The following GREB1L variants were observed in gnomAD, a reference collection of about 807,000 sequenced individuals.
The protein encoded by GREB1L is GREB1 like retinoic acid receptor coactivator.
GREB1L carries 17 observed loss-of-function variants against 200.8 expected under a neutral mutation model. The ratio of observed to expected loss-of-function variants is 0.08; its 90% CI spans 0.06 to 0.13. The LOEUF (loss-of-function observed/expected upper bound fraction) is 0.13. Among genes scored for constraint, GREB1L ranks in the 10% least tolerant of loss-of-function variants. The pLI is 1.00. For missense variants in GREB1L, 1,657 were observed against 2,367.7 expected (o/e 0.70, Z 6.23); for synonymous variants, 789 against 893.0 (o/e 0.88, Z 2.08).
chr18:21,322,648 C>T (rs1255398717), intron 1 of GREB1L, among the ~76,000 whole-genome samples: 2 of 151,976 alleles, frequency 1.3e-5, no homozygotes, highest in African/African-American at 4.8e-5. Flanking sequence ...AGAGAGTAAT[C>T]CCTATCAGAT....
chr18:21,278,626 C>G (rs938333561), intron 1 of GREB1L, among the ~76,000 whole-genome samples: 1 of 151,890 alleles, frequency 6.6e-6, no homozygotes, highest in African/African-American at 2.4e-5. Flanking sequence ...AGTCAGAATA[C>G]TAATCCTTGA....
intron 2 of GREB1L, among the ~76,000 whole-genome samples, chr18:21,378,887 G>A (rs1478966387): frequency 2.0e-5 from 3 of 150,746 alleles, no homozygotes; most frequent in Non-Finnish European, 4.4e-5. Context: ...TTTTTCGGGG[G>A]GGGACAGGAT....
chr18:21,413,007 C>A (rs537511107), intron 7 of GREB1L, among the ~76,000 whole-genome samples: 17 of 152,252 alleles, frequency 1.1e-4, no homozygotes, highest in Admixed American at 1.0e-3. Flanking sequence ...TTGTTGCTGT[C>A]ATAGTAATCT....
At chr18:21,475,504 G>A (rs539902643) in intron 16 of GREB1L, among the ~76,000 whole-genome samples, 3 of 151,988 alleles carry the variant, frequency 2.0e-5, no homozygotes, top group Non-Finnish European at 2.9e-5. Flanking sequence ...GATTACAGAC[G>A]CCCGCCACAC....
chr18:21,308,890 T>C (rs2038745352), intron 1 of GREB1L, among the ~76,000 whole-genome samples: 2 of 152,212 alleles, frequency 1.3e-5, no homozygotes, highest in African/African-American at 2.4e-5. Flanking sequence ...GCCTGTCCTG[T>C]TCTATTCTAG....
chr18:21,293,771 A>G (rs2038486384), intron 1 of GREB1L, among the ~76,000 whole-genome samples: 1 of 152,106 alleles, frequency 6.6e-6, no homozygotes, highest in African/African-American at 2.4e-5. Flanking sequence ...GCTGTTCAAC[A>G]GAACTTTCTT....
At chr18:21,330,542 C>CCCA (rs1361037268) in intron 1 of GREB1L, among the ~76,000 whole-genome samples, 12 of 152,134 alleles carry the variant, frequency 7.9e-5, no homozygotes, top group East Asian at 3.8e-4. Context: ...GTGGATTGGA[C>CCCA]CTTTGCCCTG....
At chr18:21,378,449 G>T (rs551580168) in intron 2 of GREB1L, among the ~76,000 whole-genome samples, 12 of 151,760 alleles carry the variant, frequency 7.9e-5, no homozygotes, top group Admixed American at 1.3e-4. Context: ...GTGCAGCAGC[G>T]CCATCTTGGC....
intron 7 of GREB1L, among the ~76,000 whole-genome samples, chr18:21,434,499 ATGTGTGTGTGTGTGTG>A (rs67516917): frequency 1.6e-5 from 2 of 127,286 alleles, no homozygotes; most frequent in African/African-American, 3.4e-5. Flanking sequence ...ATATATATAT[ATGTGTGTGTGTGTGTG>A]TGTGTGTGTG....
intron 17 of GREB1L, among the ~76,000 whole-genome samples, chr18:21,483,170 G>A (rs2035988654): frequency 6.6e-6 from 1 of 152,192 alleles, no homozygotes; most frequent in African/African-American, 2.4e-5. Flanking sequence ...ACGAGGACAG[G>A]TGGATGCAAG....
chr18:21,328,099 T>C (rs1173574742), intron 1 of GREB1L, among the ~76,000 whole-genome samples: 1 of 152,174 alleles, frequency 6.6e-6, no homozygotes, highest in Admixed American at 6.5e-5. Context: ...CCTGTTTCTT[T>C]ATGAAGAATG....
chr18:21,522,917 T>A lies in GREB1L; in HGVS notation c.*96T>A. 1 of 1,089,228 alleles carries A rather than the reference T, an allele frequency of 9.2e-7. No homozygotes were observed. Among genetic ancestry groups the A allele is most frequent in the Non-Finnish European group, 1.3e-6 (1 of 779,276 alleles). 67.5% of individuals were successfully genotyped at this position (1,089,228 alleles called of 1,614,324 possible). Reference sequence around the variant, plus strand: ...TTTTTCCTTTAAAGTACAATCACTGTGGAGCAAAGTGCAACATATTTGTCT... The same window carrying A: ...TTTTTCCTTTAAAGTACAATCACTGAGGAGCAAAGTGCAACATATTTGTCT... On this transcript the variant is annotated 3_prime_UTR_variant, in exon 33 of 33. Transcript: ENST00000424526.
intron 1 of GREB1L, among the ~76,000 whole-genome samples, chr18:21,257,248 A>C (rs1441628281): frequency 6.6e-6 from 1 of 152,088 alleles, no homozygotes; most frequent in Non-Finnish European, 1.5e-5. Flanking sequence ...GATTACAGGC[A>C]TGAGCCACTG....
At chr18:21,398,770 G>C (rs1477520117) in intron 5 of GREB1L, among the ~76,000 whole-genome samples, 1 of 152,156 alleles carries the variant, frequency 6.6e-6, no homozygotes, top group African/African-American at 2.4e-5. Flanking sequence ...TGGGGGAATT[G>C]ATTTAAAAAT....
Position 21,356,042 on chromosome 18 carries a change from A to C in GREB1L, c.-119-9985A>C, listed in dbSNP as rs181260595. On this transcript the variant is annotated intron_variant, in intron 1 of 32. Coordinates refer to ENST00000424526, the MANE Select transcript of GREB1L (RefSeq NM_001142966.3). ...CACTCTGTCGCCCAGGCTGGAGTGC[A>C]GTGGTGCAATCTCGGCTCACTGCAA... 5.0e-3 allele frequency among the ~76,000 whole-genome samples: 667 copies of C among 133,096 alleles called. 1 individual carries two copies. The highest frequency in any genetic ancestry group is 0.019 in the Middle Eastern group (4 of 212). 87.3% of individuals were successfully genotyped at this position (133,096 alleles called of 152,430 possible).
rs1350533951 is a variant in GREB1L at position 21,388,274 on chromosome 18, A to T, written c.355+3871A>T. On this transcript the variant is annotated intron_variant, in intron 4 of 32. Transcript: ENST00000424526. The stretch of plus-strand genomic sequence containing the variant: ...AACTATTTTATTTTATTTTTGAAGA[A>T]CAGCTTTAAATTTGTGAAAATTAAG... Among the ~76,000 whole-genome samples the T allele has an allele frequency of 2.0e-5, 3 of 152,316 alleles. No homozygotes were observed. The East Asian group carries it at 5.8e-4, about 29-fold the overall frequency.
At chr18:21,427,926 C>T (rs1026779150) in intron 7 of GREB1L, among the ~76,000 whole-genome samples, 1 of 151,092 alleles carries the variant, frequency 6.6e-6, no homozygotes, top group African/African-American at 2.4e-5. Flanking sequence ...CGCGGTGGCT[C>T]ACGCCTGTAA....
In GREB1L at chr18:21,395,945, G is replaced by T. The variant is rs1163374280; in HGVS notation, c.532+384G>T. Reference sequence around the variant, plus strand: ...GGGCTTCACCATATTGGCCGGAGTGGTCTTAAACCCCTGACCTCGTGATCT... The same window carrying T: ...GGGCTTCACCATATTGGCCGGAGTGTTCTTAAACCCCTGACCTCGTGATCT... On this transcript the variant is annotated intron_variant, in intron 5 of 32. Coordinates refer to ENST00000424526, the MANE Select transcript of GREB1L (RefSeq NM_001142966.3). Among the ~76,000 whole-genome samples the T allele has an allele frequency of 2.0e-5, 3 of 151,730 alleles. No individual in the cohort carries two copies. In the East Asian group the frequency reaches 5.8e-4, roughly 29 times the overall value.
chr18:21,264,700 C>T (rs1261415439), intron 1 of GREB1L, among the ~76,000 whole-genome samples: 2 of 150,854 alleles, frequency 1.3e-5, no homozygotes, highest in East Asian at 2.0e-4. Flanking sequence ...CACCCCCGCC[C>T]CACGCCCCCC....
Sources: gnomAD v4.1 joint callset for allele counts (sites outside exome capture counted in the v4.1 genomes callset) on GRCh38, gnomAD v4.1.1 for gene constraint, MANE v1.5 for transcripts, NCBI Gene and HGNC (gene_info 2026-07-23, HGNC 2026-07-21) for gene names.